Variants in CAMKMT observed in about 807,000 individuals in gnomAD.
CAMKMT encodes the protein calmodulin-lysine N-methyltransferase.
CAMKMT carries 53 observed loss-of-function variants against 48.0 expected under a neutral mutation model. The ratio of observed to expected loss-of-function variants is 1.10; its 90% CI spans 0.89 to 1.39. The LOEUF is 1.39. Ranked by LOEUF, CAMKMT falls within the 40% of genes most tolerant of loss-of-function variation. The pLI is 0.00. For synonymous variants in CAMKMT, 165 were observed against 152.3 expected, an observed-to-expected ratio of 1.08 and a Z score of -0.61; for missense variants, 428 against 402.7, an observed-to-expected ratio of 1.06 and a Z score of -0.54.
chr2:44,451,500 A>G (rs78827373), intron 3 of CAMKMT, among the ~76,000 whole-genome samples: 8,524 of 151,998 alleles, frequency 0.056, 309 homozygotes, highest in South Asian at 0.15. Context: ...AGAATCTACT[A>G]TAGAATTAAT....
intron 3 of CAMKMT, among the ~76,000 whole-genome samples, chr2:44,627,697 CTT>C (rs1174344846): frequency 2.9e-4 from 22 of 75,088 alleles, no homozygotes; most frequent in African/African-American, 1.8e-4. Flanking sequence ...CCATTTTATC[CTT>C]TTTTTTTTTT....
At chr2:44,601,578 G>A (rs1163479998) in intron 3 of CAMKMT, among the ~76,000 whole-genome samples, 5 of 151,974 alleles carry the variant, frequency 3.3e-5, no homozygotes, top group African/African-American at 1.2e-4. Context: ...CTATGTTTCT[G>A]GTAAGAGGAA....
intron 3 of CAMKMT, among the ~76,000 whole-genome samples, chr2:44,493,301 C>T (rs1049512184): frequency 6.6e-6 from 1 of 152,134 alleles, no homozygotes; most frequent in Non-Finnish European, 1.5e-5. Flanking sequence ...GTGCCAGGTA[C>T]CTGAGGCCTC....
chr2:44,634,740 A>G (rs553980748), intron 3 of CAMKMT, among the ~76,000 whole-genome samples: 71 of 139,822 alleles, frequency 5.1e-4, no homozygotes, highest in African/African-American at 1.6e-3. Flanking sequence ...GGTGTGGGGT[A>G]GAAGTATTTA....
At chr2:44,700,086 T>G (rs343984) in intron 3 of CAMKMT, among the ~76,000 whole-genome samples, 20,014 of 152,290 alleles carry the variant, frequency 0.13, 1,454 homozygotes, top group South Asian at 0.18. Flanking sequence ...CTTGCACTTT[T>G]GTGTTACAGA....
At chr2:44,520,969 G>A (rs1489971977) in intron 3 of CAMKMT, among the ~76,000 whole-genome samples, 1 of 152,186 alleles carries the variant, frequency 6.6e-6, no homozygotes, top group Non-Finnish European at 1.5e-5. Context: ...GGAACTGTGA[G>A]CCAATTAAAC....
intron 10 of CAMKMT, among the ~76,000 whole-genome samples, chr2:44,769,770 C>G (rs1271861500): frequency 6.6e-6 from 1 of 151,946 alleles, no homozygotes; most frequent in Admixed American, 6.6e-5. Flanking sequence ...GTTAAAAACA[C>G]GGCCATATTG....
intron 7 of CAMKMT, among the ~76,000 whole-genome samples, chr2:44,730,489 C>T (rs1191440209): frequency 6.6e-6 from 1 of 152,232 alleles, no homozygotes; most frequent in Non-Finnish European, 1.5e-5. Flanking sequence ...TGTACTGCTG[C>T]TCACAGCATC....
intron 3 of CAMKMT, among the ~76,000 whole-genome samples, chr2:44,548,477 C>T (rs970742023): frequency 2.0e-5 from 3 of 152,136 alleles, no homozygotes; most frequent in Non-Finnish European, 4.4e-5. Flanking sequence ...CCAAGATTCC[C>T]GGCCCTGCTG....
At chr2:44,628,003 C>A (rs762657260) in intron 3 of CAMKMT, among the ~76,000 whole-genome samples, 18 of 151,856 alleles carry the variant, frequency 1.2e-4, no homozygotes, top group South Asian at 4.2e-4. Context: ...ATGCCTAGCC[C>A]CTTTTTATTC....
chr2:44,750,259 C>T (rs1253641528), intron 8 of CAMKMT, among the ~76,000 whole-genome samples: 1 of 152,026 alleles, frequency 6.6e-6, no homozygotes, highest in African/African-American at 2.4e-5. Context: ...AAGGTTCAAG[C>T]GACCCTCCTG....
intron 3 of CAMKMT, among the ~76,000 whole-genome samples, chr2:44,694,312 G>A (rs978350361): frequency 6.6e-6 from 1 of 152,190 alleles, no homozygotes; most frequent in Admixed American, 6.5e-5. Flanking sequence ...GGTGGCTCAT[G>A]CCTGTAATCC....
chr2:44,363,800 C>G lies in CAMKMT; in HGVS notation c.138+1655C>G, dbSNP rs1416997618. On this transcript the variant is annotated intron_variant, in intron 1 of 10. Transcript: ENST00000378494. ...CGCCTCCCTGGTTCAAGCAATTCTC[C>G]CGTACTCAGCCTTCCGAATAGCTGG... is the stretch of plus-strand genomic sequence containing the variant. Among the ~76,000 whole-genome samples the G allele has an allele frequency of 3.3e-5, 5 of 151,664 alleles. No individual in the cohort carries two copies. In the South Asian group the frequency reaches 6.3e-4, roughly 19 times the overall value.
rs571172126 is a variant in CAMKMT at position 44,692,373 on chromosome 2, A to G, written c.377-11910A>G. On this transcript the variant is annotated intron_variant, in intron 3 of 10. Coordinates refer to ENST00000378494, the MANE Select transcript of CAMKMT (RefSeq NM_024766.5). ...TACTTTTATTGCTTGTACTTAACAA[A>G]TGAGAGAAGTGAGGCATTACCCAAC... Among the ~76,000 whole-genome samples the G allele has an allele frequency of 3.3e-5, 5 of 152,318 alleles. No individual in the cohort carries two copies. The East Asian group carries it at 5.8e-4, about 18-fold the overall frequency.
At chr2:44,460,300 G>A (rs572861767) in intron 3 of CAMKMT, among the ~76,000 whole-genome samples, 2 of 152,056 alleles carry the variant, frequency 1.3e-5, no homozygotes, top group Admixed American at 6.5e-5. Context: ...CAAAATAAAA[G>A]AGTATATTTG....
chr2:44,552,804 A>G (rs1004124448), intron 3 of CAMKMT, among the ~76,000 whole-genome samples: 3 of 152,206 alleles, frequency 2.0e-5, no homozygotes, highest in African/African-American at 7.2e-5. Flanking sequence ...CTAGCCTCTT[A>G]CCATTGGGCT....
intron 8 of CAMKMT, among the ~76,000 whole-genome samples, chr2:44,747,161 A>C (rs903439278): frequency 2.0e-5 from 3 of 152,212 alleles, no homozygotes; most frequent in African/African-American, 7.2e-5. Flanking sequence ...GGCCTGTAGC[A>C]ACCCACCCCG....
intron 3 of CAMKMT, among the ~76,000 whole-genome samples, chr2:44,681,616 T>C (rs1258293919): frequency 3.3e-5 from 5 of 151,944 alleles, no homozygotes; most frequent in African/African-American, 1.2e-4. Context: ...AGCCAGTCTC[T>C]GATAATTTGG....
intron 3 of CAMKMT, among the ~76,000 whole-genome samples, chr2:44,480,671 A>C (rs1668920670): frequency 6.6e-6 from 1 of 152,196 alleles, no homozygotes; most frequent in South Asian, 2.1e-4. Context: ...TGAGATAACA[A>C]AGTAAACTAA....
Sources: allele counts gnomAD v4.1 joint callset (sites outside exome capture counted in the v4.1 genomes callset), GRCh38; gene constraint gnomAD v4.1.1; transcripts MANE v1.5; gene names NCBI Gene and HGNC (gene_info 2026-07-23, HGNC 2026-07-21).